RNF121: variants seen among roughly 807,000 people sequenced by gnomAD.
RNF121 encodes E3 ubiquitin ligase RNF121.
In RNF121, 21 loss-of-function variants were observed where a neutral mutation model predicts 46.5. The ratio of observed to expected loss-of-function variants is 0.45; its 90% CI spans 0.32 to 0.65. The LOEUF is 0.65. Among genes scored for constraint, RNF121 ranks in the 30% least tolerant of loss-of-function variants. The pLI is 0.04. For synonymous variants in RNF121, 139 were observed against 144.7 expected (o/e 0.96, Z 0.28); for missense variants, 346 against 416.0 (o/e 0.83, Z 1.46).
chr11:71,978,096 T>C (rs553736428), intron 3 of RNF121: 1 of 333,398 alleles, frequency 3.0e-6, no homozygotes, highest in South Asian at 2.0e-5. Flanking sequence ...AGGTGGGGTT[T>C]CACCGTGTTG....
intron 1 of RNF121, among the ~76,000 whole-genome samples, chr11:71,952,437 A>G (rs999916204): frequency 6.6e-6 from 1 of 152,222 alleles, no homozygotes; most frequent in Non-Finnish European, 1.5e-5. Flanking sequence ...CTCGAATAGT[A>G]TACTTAATTT....
At chr11:71,986,254 G>C (rs796453334) in intron 4 of RNF121, among the ~76,000 whole-genome samples, 24 of 152,290 alleles carry the variant, frequency 1.6e-4, no homozygotes, top group African/African-American at 5.5e-4. Context: ...ACCGGGCCCA[G>C]GTACAAACAA....
chr11:71,933,628 G>A (rs1953328655), intron 1 of RNF121, among the ~76,000 whole-genome samples: 1 of 152,108 alleles, frequency 6.6e-6, no homozygotes, highest in Non-Finnish European at 1.5e-5. Context: ...TCCACTGATT[G>A]GGTGACCCCA....
intron 3 of RNF121, among the ~76,000 whole-genome samples, chr11:71,961,958 C>T (rs1954142720): frequency 7.1e-6 from 1 of 140,708 alleles, no homozygotes; most frequent in Admixed American, 7.8e-5. Flanking sequence ...TTTGGCTAAT[C>T]TGCAAAGATT....
In RNF121 at chr11:71,950,949, G is replaced by C. The variant is rs372116180; in HGVS notation, c.64-6278G>C. On this transcript the variant is annotated intron_variant, in intron 1 of 8. Coordinates refer to ENST00000361756, the MANE Select transcript of RNF121 (RefSeq NM_018320.5). ...CTGAAGAATGCAATAATGAGGCTGG[G>C]TATGGTGGCCCACACCTGTAATCCC... Among the ~76,000 whole-genome samples the C allele has an allele frequency of 7.6e-4, 116 of 152,304 alleles. 3 individuals carry two copies. In the South Asian group the frequency reaches 0.024, roughly 32 times the overall value.
rs541043205 is a variant in RNF121 at position 71,965,856 on chromosome 11, G to A, written c.243+4965G>A. Reference sequence around the variant, plus strand: ...GCTGTTACCCAGTGTTAAAGAAGGTGTAGGGTATAGTCAGTATTTTTAATC... The same window carrying A: ...GCTGTTACCCAGTGTTAAAGAAGGTATAGGGTATAGTCAGTATTTTTAATC... On this transcript the variant is annotated intron_variant, in intron 3 of 8. Transcript: ENST00000361756. Among the ~76,000 whole-genome samples the A allele has an allele frequency of 2.0e-4, 30 of 152,330 alleles. 1 individual carries two copies. The highest frequency in any genetic ancestry group is 1.5e-4 in the Non-Finnish European group (10 of 68,032).
At chr11:71,931,802 A>C (rs1159525924) in intron 1 of RNF121, among the ~76,000 whole-genome samples, 3 of 152,192 alleles carry the variant, frequency 2.0e-5, no homozygotes, top group Non-Finnish European at 2.9e-5. Flanking sequence ...TTGGGTTTAC[A>C]AAAGAGCAGT....
At chr11:71,967,339 G>GTT (rs1251537488) in intron 3 of RNF121, among the ~76,000 whole-genome samples, 37 of 68,134 alleles carry the variant, frequency 5.4e-4, no homozygotes, top group Admixed American at 8.3e-4. Flanking sequence ...TAATTATGTG[G>GTT]GTTTTTTTTG....
intron 3 of RNF121, among the ~76,000 whole-genome samples, chr11:71,977,560 A>G (rs1394308056): frequency 2.0e-5 from 3 of 152,174 alleles, no homozygotes; most frequent in South Asian, 2.1e-4. Context: ...GGATATTGCT[A>G]TTCTTGTCCC....
intron 7 of RNF121, 129 bp from the exon 8 acceptor site, chr11:71,995,321 A>G: frequency 1.4e-6 from 1 of 728,312 alleles, no homozygotes; most frequent in Non-Finnish European, 2.4e-6. Context: ...AAACAGGTTC[A>G]GACACAGGGA....
rs115259615 is a variant in RNF121, at chr11:71,933,651, T to G, written c.63+4527T>G. ...TTGGGTGACCCCACTTCATGTTCCC[T>G]CAGCCCGCTTGTACTTTGTCTAGGC... On this transcript the variant is annotated intron_variant, in intron 1 of 8. Coordinates refer to ENST00000361756, the MANE Select transcript of RNF121 (RefSeq NM_018320.5). Among the ~76,000 whole-genome samples the G allele has an allele frequency of 4.3e-3, 656 of 152,320 alleles. 2 individuals are homozygous for G. Among genetic ancestry groups the G allele is most frequent in the African/African-American group, 0.015 (626 of 41,564 alleles).
intron 1 of RNF121, among the ~76,000 whole-genome samples, chr11:71,951,130 G>A (rs751106793): frequency 6.6e-6 from 1 of 151,782 alleles, no homozygotes; most frequent in African/African-American, 2.4e-5. Flanking sequence ...ACGCTGAGGT[G>A]GGAGAATCGC....
chr11:71,934,091 CTTTAAAGTT>C (rs1233405129), intron 1 of RNF121, among the ~76,000 whole-genome samples: 1 of 152,146 alleles, frequency 6.6e-6, no homozygotes, highest in Non-Finnish European at 1.5e-5. Context: ...TCCACCTGCC[CTTTAAAGTT>C]CTAGCTTGCT....
chr11:71,967,069 C>T (rs1954293381), intron 3 of RNF121, among the ~76,000 whole-genome samples: 1 of 147,838 alleles, frequency 6.8e-6, no homozygotes, highest in African/African-American at 2.5e-5. Context: ...GACGGGGTTT[C>T]ACCTTGTTAG....
chr11:71,996,298 A>G lies in RNF121; in HGVS notation c.967A>G (p.Ile323Val). The G allele has an allele frequency of 6.2e-7, 1 of 1,614,140 alleles. No individual in the cohort carries two copies. The highest frequency in any genetic ancestry group is 8.5e-7 in the Non-Finnish European group (1 of 1,180,008). The stretch of plus-strand genomic sequence containing the variant: ...TGGTGTAGTCCAAGGCATCAACTAC[A>G]TCCTGGGCCTGGAATAGTGATGAAG... ...IIGVVQGINY[I>V]LGLE Residue 323 changes from isoleucine (I) to valine (V), a missense_variant, in exon 9 of 9, where the codon ATC becomes GTC. By Grantham distance (29) the Ile-to-Val change is conservative. Transcript: ENST00000361756.
At chr11:71,985,755 T>C (rs1054963895) in intron 4 of RNF121, among the ~76,000 whole-genome samples, 1 of 152,172 alleles carries the variant, frequency 6.6e-6, no homozygotes, top group Non-Finnish European at 1.5e-5. Flanking sequence ...ACAGATAGAA[T>C]AGTGGCTCCT....
rs1417436375 is a variant in RNF121 at position 71,997,572 on chromosome 11, T to A, written c.*1257T>A. 2 of 152,166 alleles carry A rather than the reference T, an allele frequency of 1.3e-5. No individual in the cohort carries two copies. Among genetic ancestry groups the A allele is most frequent in the Admixed American group, 1.3e-4 (2 of 15,282 alleles). The allele number at this position is 152,166 out of a possible 1,614,324, so 9.4% of individuals were successfully genotyped here. ...GTTGTCACTCCCGTCTGAATAAAGCTCCATGAGCTGGGTTGGAAAGCTGAA... is the reference window on the plus strand; with the variant it reads ...GTTGTCACTCCCGTCTGAATAAAGCACCATGAGCTGGGTTGGAAAGCTGAA... On this transcript the variant is annotated 3_prime_UTR_variant, in exon 9 of 9. Coordinates refer to ENST00000361756, the MANE Select transcript of RNF121 (RefSeq NM_018320.5).
chr11:71,967,088 G>A (rs918926195), intron 3 of RNF121, among the ~76,000 whole-genome samples: 1 of 145,476 alleles, frequency 6.9e-6, no homozygotes, highest in Non-Finnish European at 1.5e-5. Flanking sequence ...AGCCAGGATG[G>A]TCTCGATCTC....
intron 6 of RNF121, 64 bp downstream of exon 6, chr11:71,990,781 A>T: frequency 1.3e-6 from 2 of 1,590,094 alleles, no homozygotes; most frequent in Non-Finnish European, 1.7e-6. Context: ...AGTTGATGTC[A>T]CTTGTTTAAT....
Sources: allele counts gnomAD v4.1 joint callset (sites outside exome capture counted in the v4.1 genomes callset), GRCh38; gene constraint gnomAD v4.1.1; transcripts MANE v1.5; gene names NCBI Gene and HGNC (gene_info 2026-07-23, HGNC 2026-07-21).